The following ADGRG1 variants were observed in gnomAD, a reference collection of about 807,000 sequenced individuals.
ADGRG1 encodes the protein adhesion G protein-coupled receptor G1.
ADGRG1 carries 53 observed loss-of-function variants against 73.5 expected under a neutral mutation model. The ratio of observed to expected loss-of-function variants is 0.72; its 90% CI spans 0.58 to 0.91. The LOEUF is 0.91. Among genes scored for constraint, ADGRG1 ranks in the 40% least tolerant of loss-of-function variants. The pLI is 0.00. For synonymous variants in ADGRG1, 394 were observed against 374.4 expected, an observed-to-expected ratio of 1.05 and a Z score of -0.60; for missense variants, 795 against 871.8, an observed-to-expected ratio of 0.91 and a Z score of 1.11.
upstream of ADGRG1, chr16:57,624,866 TCTG>T: frequency 5.0e-6 from 1 of 201,976 alleles, no homozygotes; most frequent in Admixed American, 6.5e-5. Flanking sequence ...GTGCCCATTG[TCTG>T]CCAGGCCTGG....
chr16:57,644,839 ACT>A (rs199862739), intron 1 of ADGRG1, among the ~76,000 whole-genome samples: 7 of 129,014 alleles, frequency 5.4e-5, no homozygotes, highest in African/African-American at 1.8e-4. Flanking sequence ...CACTGATCAC[ACT>A]CATGCAGGGC....
chr16:57,641,061 G>A, intron 1 of ADGRG1: 1 of 985,178 alleles, frequency 1.0e-6, no homozygotes, highest in Non-Finnish European at 1.2e-6. Flanking sequence ...CTACCAGCTT[G>A]GAGGTAAGCT....
intron 1 of ADGRG1, chr16:57,640,223 C>T (rs1383021818): frequency 6.6e-6 from 1 of 152,232 alleles, no homozygotes; most frequent in Non-Finnish European, 1.5e-5. Context: ...TTGTTGGAAG[C>T]TTTCTTTACT....
Position 57,662,043 on chromosome 16 carries a change from A to G in ADGRG1, c.1933+78A>G, listed in dbSNP as rs564738455. ...AGGGCAGGGAAGAGATCACCCAGGG[A>G]ACCTGAAGACTTCCCTTCTCTGGGC... is the stretch of plus-strand genomic sequence containing the variant. On this transcript the variant is annotated intron_variant, in intron 13 of 13. Coordinates refer to ENST00000562631, the MANE Select transcript of ADGRG1 (RefSeq NM_201525.4). 188 of 1,193,962 alleles carry G rather than the reference A, an allele frequency of 1.6e-4. 1 individual carries two copies. The African/African-American group carries it at 2.6e-3, about 16-fold the overall frequency. The allele number at this position is 1,193,962 out of a possible 1,614,324, so 74.0% of individuals were successfully genotyped here. A position where few individuals can be genotyped will look rare whatever the true frequency, so the allele number is the denominator to read the frequency against.
chr16:57,658,244 G>T (rs1457751297), intron 10 of ADGRG1, among the ~76,000 whole-genome samples: 2 of 152,216 alleles, frequency 1.3e-5, no homozygotes, highest in East Asian at 1.9e-4. Flanking sequence ...AACTTCCCGT[G>T]TGCCATGCAC....
chr16:57,654,773 G>C (rs12597692), intron 5 of ADGRG1, among the ~76,000 whole-genome samples: 2 of 152,122 alleles, frequency 1.3e-5, no homozygotes, highest in Non-Finnish European at 2.9e-5. Context: ...CCAGCTACTC[G>C]GGAGGTTGAG....
At chr16:57,634,673 T>G in intron 1 of ADGRG1, 1 of 184,344 alleles carries the variant, frequency 5.4e-6, no homozygotes, top group Non-Finnish European at 1.0e-5. Flanking sequence ...AGGTAGTGAG[T>G]TCCCCACCTT....
intron 10 of ADGRG1, among the ~76,000 whole-genome samples, chr16:57,657,751 A>G (rs537919894): frequency 2.6e-5 from 4 of 151,028 alleles, no homozygotes; most frequent in Non-Finnish European, 2.9e-5. Context: ...TATTATTATT[A>G]TTTTTTTGAG....
At chr16:57,621,775 A>C (rs1484113206) in intron 2 of ADGRG1, 51 of 756,306 alleles carry the variant, frequency 6.7e-5, no homozygotes, top group Non-Finnish European at 8.1e-5. Context: ...CTCACAGGCC[A>C]GGGCCAAGGG....
intron 2 of ADGRG1, chr16:57,621,809 T>C (rs2034875950): frequency 1.0e-6 from 1 of 973,716 alleles, no homozygotes; most frequent in Non-Finnish European, 1.2e-6. Flanking sequence ...AGAGGCACAA[T>C]TTTAGGGGCA....
At chr16:57,652,763 C>T (rs1177725355) in intron 3 of ADGRG1, 2 of 1,054,568 alleles carry the variant, frequency 1.9e-6, no homozygotes, top group African/African-American at 1.7e-5. Flanking sequence ...CCTGGAGACA[C>T]CTTAGTCGGC....
chr16:57,643,951 G>T, intron 1 of ADGRG1: 2 of 984,660 alleles, frequency 2.0e-6, no homozygotes, highest in Non-Finnish European at 2.4e-6. Flanking sequence ...GGTCTGACAG[G>T]GGTGTCTACT....
At chr16:57,650,216 G>T in intron 1 of ADGRG1, 37 bp from the exon 2 acceptor site, 1 of 1,568,894 alleles carries the variant, frequency 6.4e-7, no homozygotes. Flanking sequence ...CCACCACACA[G>T]TCCACACTCC....
At chr16:57,640,630 C>T (rs530969739) in intron 1 of ADGRG1, among the ~76,000 whole-genome samples, 3 of 152,332 alleles carry the variant, frequency 2.0e-5, no homozygotes, top group African/African-American at 7.2e-5. Flanking sequence ...GAACTCAGTG[C>T]TTCTACTTCC....
chr16:57,661,222 G>C, intron 12 of ADGRG1: 1 of 919,974 alleles, frequency 1.1e-6, no homozygotes, highest in South Asian at 5.0e-5. Context: ...GAGGCTCAGG[G>C]AGGGAAGAGA....
Position 57,657,394 on chromosome 16 carries a change from G to T in ADGRG1, c.1189G>T (p.Ala397Ser). 6.2e-7 allele frequency: 1 copy of T among 1,613,938 alleles called. No homozygotes were observed. Among genetic ancestry groups the T allele is most frequent in the Non-Finnish European group, 8.5e-7 (1 of 1,179,900 alleles). ...VLMVSSVEVD[A>S]VHKHYLSLLS... ...CCAGGTCTCCTCGGTGGAGGTGGAC[G>T]CCGTGCACAAGCACTACCTGAGCCT... The change falls in exon 10 of 14, where the codon GCC becomes TCC. Residue 397 changes from alanine (A) to serine (S), a missense_variant. By Grantham distance (99) the Ala-to-Ser change is moderately conservative. Transcript: ENST00000562631.
At chr16:57,635,408 G>GGTGGTGGGAGCTGGGACCA (rs1395340102) in intron 1 of ADGRG1, 1 of 985,312 alleles carries the variant, frequency 1.0e-6, no homozygotes, top group Non-Finnish European at 1.2e-6. Flanking sequence ...CTTAAGTGGA[G>GGTGGTGGGAGCTGGGACCA]GTGGTGGGAG....
At chr16:57,622,350 G>A (rs1429144240) in intron 2 of ADGRG1, among the ~76,000 whole-genome samples, 3 of 152,112 alleles carry the variant, frequency 2.0e-5, no homozygotes, top group African/African-American at 7.2e-5. Flanking sequence ...TGGAGTGATG[G>A]GCAGTTTTGA....
At position 57,655,488 on chromosome 16, in the gene ADGRG1, G is replaced by C. The variant is rs896403800; in HGVS notation, c.858G>C (p.Lys286Asn). 2 of 1,613,730 alleles carry C rather than the reference G, an allele frequency of 1.2e-6. No individual in the cohort carries two copies. The highest frequency in any genetic ancestry group is 1.7e-6 in the Non-Finnish European group (2 of 1,179,984). Residue 286 changes from lysine (K) to asparagine (N), a missense_variant, in exon 6 of 14, where the codon AAG becomes AAC. Coordinates refer to ENST00000562631, the MANE Select transcript of ADGRG1 (RefSeq NM_201525.4). The stretch of plus-strand genomic sequence containing the variant: ...AAGGCCGGAGCGGGGAGGCTGAGAA[G>C]AGACTCCTCCTGGTGGACTTCAGCA... ...RTKGRSGEAE[K>N]RLLLVDFSSQ...
Sources: gnomAD v4.1 joint callset for allele counts (sites outside exome capture counted in the v4.1 genomes callset) on GRCh38, gnomAD v4.1.1 for gene constraint, MANE v1.5 for transcripts, NCBI Gene and HGNC (gene_info 2026-07-23, HGNC 2026-07-21) for gene names.